The following CADM2 variants were observed in gnomAD, a reference collection of about 807,000 sequenced individuals.
CADM2 encodes cell adhesion molecule 2.
CADM2 carries 12 observed loss-of-function variants against 49.8 expected under a neutral mutation model. The observed-to-expected ratio is 0.24, with a 90% confidence interval of 0.15 to 0.39. The LOEUF (loss-of-function observed/expected upper bound fraction) is 0.39, where lower values mean the gene tolerates loss of function less well. Ranked by LOEUF, CADM2 falls within the 10% of genes least tolerant of loss-of-function variation. The pLI is 1.00. For missense variants in CADM2, 378 were observed against 492.3 expected (o/e 0.77, Z 2.20); for synonymous variants, 214 against 175.4 (o/e 1.22, Z -1.74).
intron 1 of CADM2, among the ~76,000 whole-genome samples, chr3:85,568,463 C>CTTTCTTTCTTTCTTTG (rs1424573453): frequency 7.6e-5 from 1 of 13,194 alleles, no homozygotes; most frequent in African/African-American, 1.3e-4. Context: ...TTCTTTCTTT[C>CTTTCTTTCTTTCTTTG]TCTTTCTCTC....
intron 1 of CADM2, among the ~76,000 whole-genome samples, chr3:85,353,256 A>C (rs1182064852): frequency 6.6e-6 from 1 of 152,122 alleles, no homozygotes; most frequent in African/African-American, 2.4e-5. Flanking sequence ...AACACGCAGC[A>C]GGAATCCATT....
At position 85,284,053 on chromosome 3, in the gene CADM2, T is replaced by C. The variant is rs1318565240; in HGVS notation, c.61+324385T>C. 2.6e-5 allele frequency among the ~76,000 whole-genome samples: 4 copies of C among 152,150 alleles called. No individual in the cohort carries two copies. The East Asian group carries it at 7.7e-4, about 29-fold the overall frequency. On this transcript the variant is annotated intron_variant, in intron 1 of 9. Transcript: ENST00000383699. Reference sequence around the variant, plus strand: ...CACAGGTTAATAAAATTGAACTTTATAGACTAAGAAAGGTTGTTTGCAATG... The same window carrying C: ...CACAGGTTAATAAAATTGAACTTTACAGACTAAGAAAGGTTGTTTGCAATG...
chr3:85,988,469 TAAAG>T (rs1728379511), intron 8 of CADM2, among the ~76,000 whole-genome samples: 1 of 152,106 alleles, frequency 6.6e-6, no homozygotes, highest in South Asian at 2.1e-4. Flanking sequence ...GTTTCTTAAA[TAAAG>T]AAATATATCT....
chr3:85,051,092 A>G (rs1330021180), intron 1 of CADM2, among the ~76,000 whole-genome samples: 1 of 152,202 alleles, frequency 6.6e-6, no homozygotes. Flanking sequence ...GGGATTCAGA[A>G]TGGCTTGATG....
chr3:85,752,631 A>G (rs953358839), intron 2 of CADM2, among the ~76,000 whole-genome samples: 4 of 152,108 alleles, frequency 2.6e-5, no homozygotes, highest in African/African-American at 9.7e-5. Flanking sequence ...CTGAAAACAA[A>G]AATAGCCATT....
At chr3:85,420,291 C>A (rs966929907) in intron 1 of CADM2, among the ~76,000 whole-genome samples, 6 of 152,156 alleles carry the variant, frequency 3.9e-5, no homozygotes, top group Non-Finnish European at 8.8e-5. Context: ...CATCTACTTA[C>A]CCATCTGTAG....
At chr3:86,016,372 A>C (rs913862302) in intron 8 of CADM2, among the ~76,000 whole-genome samples, 1 of 152,176 alleles carries the variant, frequency 6.6e-6, no homozygotes, top group Non-Finnish European at 1.5e-5. Flanking sequence ...TCTATCTCTT[A>C]AAAGTTTTCT....
At chr3:85,216,532 G>GC (rs1446089190) in intron 1 of CADM2, among the ~76,000 whole-genome samples, 1 of 151,722 alleles carries the variant, frequency 6.6e-6, no homozygotes, top group Non-Finnish European at 1.5e-5. Flanking sequence ...CAGAAGACAT[G>GC]CCCAGAAAGC....
intron 8 of CADM2, among the ~76,000 whole-genome samples, chr3:86,000,189 A>G (rs1389860885): frequency 6.6e-6 from 1 of 152,186 alleles, no homozygotes; most frequent in East Asian, 1.9e-4. Flanking sequence ...GGAAATTAAC[A>G]GAGCTTTTAC....
At chr3:85,199,156 A>G (rs1180289183) in intron 1 of CADM2, among the ~76,000 whole-genome samples, 1 of 151,930 alleles carries the variant, frequency 6.6e-6, no homozygotes, top group African/African-American at 2.4e-5. Flanking sequence ...ACCTTATGAC[A>G]TTTTTAATAT....
At chr3:85,447,162 C>T (rs191882877) in intron 1 of CADM2, among the ~76,000 whole-genome samples, 81 of 151,242 alleles carry the variant, frequency 5.4e-4, no homozygotes, top group Middle Eastern at 3.5e-3. Context: ...AGGAGTACCT[C>T]TATAATTCAA....
At chr3:85,321,721 T>C (rs2044617328) in intron 1 of CADM2, among the ~76,000 whole-genome samples, 1 of 152,182 alleles carries the variant, frequency 6.6e-6, no homozygotes, top group Non-Finnish European at 1.5e-5. Flanking sequence ...GATCCATTAG[T>C]ACATAAAGAA....
At chr3:85,190,568 T>G (rs918919669) in intron 1 of CADM2, among the ~76,000 whole-genome samples, 4 of 152,154 alleles carry the variant, frequency 2.6e-5, no homozygotes, top group Admixed American at 6.5e-5. Flanking sequence ...TGACATTATA[T>G]TATTCCCCAA....
chr3:85,195,840 T>TA (rs1328442922), intron 1 of CADM2, among the ~76,000 whole-genome samples: 1 of 152,202 alleles, frequency 6.6e-6, no homozygotes, highest in African/African-American at 2.4e-5. Context: ...TATTAATTGA[T>TA]AAAATGCAAT....
intron 1 of CADM2, among the ~76,000 whole-genome samples, chr3:85,088,760 T>C (rs1226487868): frequency 6.6e-6 from 1 of 152,164 alleles, no homozygotes; most frequent in Admixed American, 6.5e-5. Context: ...AAATTGTCTT[T>C]AGAAAGAAAG....
intron 8 of CADM2, among the ~76,000 whole-genome samples, chr3:86,012,395 A>G (rs1039565321): frequency 2.0e-4 from 30 of 152,308 alleles, no homozygotes; most frequent in South Asian, 8.3e-4. Flanking sequence ...ATGGTCACAC[A>G]CAATAAATTA....
intron 1 of CADM2, among the ~76,000 whole-genome samples, chr3:85,621,897 C>T (rs2063987971): frequency 6.6e-6 from 1 of 152,130 alleles, no homozygotes; most frequent in Non-Finnish European, 1.5e-5. Context: ...AGTGAGTAAA[C>T]ACTACACAAC....
At chr3:85,855,617 A>ATATATATAT (rs374763892) in intron 3 of CADM2, among the ~76,000 whole-genome samples, 95 of 42,476 alleles carry the variant, frequency 2.2e-3, no homozygotes, top group African/African-American at 5.1e-3. Flanking sequence ...ATATATATAT[A>ATATATATAT]AAACATATAT....
At chr3:85,701,092 C>T (rs919512557) in intron 1 of CADM2, among the ~76,000 whole-genome samples, 3 of 152,188 alleles carry the variant, frequency 2.0e-5, no homozygotes, top group Admixed American at 1.3e-4. Flanking sequence ...ATGGAGGCCT[C>T]GGGAAACTTA....
Sources: allele counts gnomAD v4.1 joint callset (sites outside exome capture counted in the v4.1 genomes callset), GRCh38; gene constraint gnomAD v4.1.1; transcripts MANE v1.5; gene names NCBI Gene and HGNC (gene_info 2026-07-23, HGNC 2026-07-21).